The following MAP4K4 variants were observed in gnomAD, a reference collection of about 807,000 sequenced individuals.
MAP4K4 encodes the protein HPK/GCK-like kinase HGK.
In MAP4K4, 38 loss-of-function variants were observed where a neutral mutation model predicts 189.6. The ratio of observed to expected loss-of-function variants is 0.20; its 90% CI spans 0.15 to 0.26. The LOEUF (loss-of-function observed/expected upper bound fraction) is 0.26. Ranked by LOEUF, MAP4K4 falls within the 10% of genes least tolerant of loss-of-function variation. The probability of loss-of-function intolerance (pLI) is 1.00; values close to 1 mark genes in which losing one functional copy is unlikely to be tolerated. For synonymous variants in MAP4K4, 610 were observed against 624.3 expected, an observed-to-expected ratio of 0.98 and a Z score of 0.34; for missense variants, 1,054 against 1,726.9, an observed-to-expected ratio of 0.61 and a Z score of 6.91.
chr2:101,867,541 A>G (rs1262082799), intron 20 of MAP4K4: 1 of 490,726 alleles, frequency 2.0e-6, no homozygotes, highest in African/African-American at 1.9e-5. Flanking sequence ...TGTTCCAGCC[A>G]TACACTTGGT....
At chr2:101,704,741 G>A (rs1002667368) in intron 2 of MAP4K4, among the ~76,000 whole-genome samples, 4 of 151,168 alleles carry the variant, frequency 2.6e-5, no homozygotes, top group African/African-American at 9.8e-5. Context: ...TGTATTTTTA[G>A]TAGAGATGGG....
intron 7 of MAP4K4, among the ~76,000 whole-genome samples, chr2:101,833,316 G>C (rs992781601): frequency 6.6e-6 from 1 of 151,720 alleles, no homozygotes; most frequent in Admixed American, 6.6e-5. Flanking sequence ...CTTTTTTTTG[G>C]ATTTTAAGAA....
At chr2:101,703,404 G>T (rs2040150492) in intron 2 of MAP4K4, among the ~76,000 whole-genome samples, 1 of 151,896 alleles carries the variant, frequency 6.6e-6, no homozygotes, top group South Asian at 2.1e-4. Flanking sequence ...GATCACCTGA[G>T]GTCAGGAGTT....
At chr2:101,870,218 A>G in intron 22 of MAP4K4, 77 bp from the exon 23 acceptor site, 1 of 1,477,718 alleles carries the variant, frequency 6.8e-7, no homozygotes, top group Non-Finnish European at 9.2e-7. Flanking sequence ...TTTGATTTTG[A>G]GAAGGCGAAA....
chr2:101,873,984 T>C, intron 25 of MAP4K4, 98 bp from the exon 26 acceptor site: 1 of 1,070,626 alleles, frequency 9.3e-7, no homozygotes, highest in Middle Eastern at 2.4e-4. Flanking sequence ...AAAGTGTTGG[T>C]TATACCACAT....
intron 2 of MAP4K4, among the ~76,000 whole-genome samples, chr2:101,706,776 A>G (rs1001815669): frequency 6.6e-6 from 1 of 152,180 alleles, no homozygotes; most frequent in Non-Finnish European, 1.5e-5. Flanking sequence ...TTGGTTTACT[A>G]TCTTACTTTC....
At chr2:101,892,999 T>C (rs1268780299) in exon 33 of MAP4K4, 1 of 456,468 alleles carries the variant, frequency 2.2e-6, no homozygotes, top group Admixed American at 2.3e-5. Context: ...CTTGATCTTT[T>C]TCCTTTGTGG....
At chr2:101,866,673 C>T (rs1038056869) in intron 19 of MAP4K4, 94 bp downstream of exon 19, 2 of 1,437,968 alleles carry the variant, frequency 1.4e-6, no homozygotes, top group Non-Finnish European at 1.9e-6. Flanking sequence ...TGCGTGTAGC[C>T]ACACGTCACA....
intron 2 of MAP4K4, among the ~76,000 whole-genome samples, chr2:101,770,405 C>G (rs1215279971): frequency 1.3e-5 from 2 of 152,062 alleles, no homozygotes; most frequent in African/African-American, 4.8e-5. Context: ...CCTGCCACCA[C>G]ACCCGGCTAA....
At chr2:101,839,917 A>G in exon 10 of MAP4K4, 1 of 1,613,956 alleles carries the variant, frequency 6.2e-7, no homozygotes, top group South Asian at 1.1e-5. Flanking sequence ...TTTATAAGGG[A>G]TCAGCCAAAT....
intron 2 of MAP4K4, among the ~76,000 whole-genome samples, chr2:101,735,623 C>T (rs1300031373): frequency 1.3e-5 from 2 of 152,096 alleles, no homozygotes; most frequent in African/African-American, 4.8e-5. Flanking sequence ...CCATGGGAGG[C>T]CGTCTTTGTC....
intron 2 of MAP4K4, among the ~76,000 whole-genome samples, chr2:101,789,996 T>TA (rs894515307): frequency 2.0e-5 from 3 of 151,928 alleles, no homozygotes; most frequent in East Asian, 1.9e-4. Flanking sequence ...TTTATACACT[T>TA]AAAAAAAATC....
chr2:101,724,107 A>G (rs1016278571), intron 2 of MAP4K4, among the ~76,000 whole-genome samples: 4 of 152,184 alleles, frequency 2.6e-5, no homozygotes, highest in South Asian at 2.1e-4. Context: ...TCTGTCTTAC[A>G]TGATACTTAT....
At chr2:101,803,379 G>T (rs58422173) in intron 3 of MAP4K4, among the ~76,000 whole-genome samples, 2,444 of 152,164 alleles carry the variant, frequency 0.016, 76 homozygotes, top group African/African-American at 0.056. Context: ...TAATTGTATA[G>T]TGACATGCCC....
intron 2 of MAP4K4, among the ~76,000 whole-genome samples, chr2:101,749,702 C>G (rs2149932118): frequency 6.7e-6 from 1 of 148,664 alleles, no homozygotes; most frequent in African/African-American, 2.5e-5. Context: ...GCAAAAGAAA[C>G]TACTATCAGA....
rs923679067 is a variant in MAP4K4 at position 101,785,658 on chromosome 2, T to C, written c.124-5062T>C. On this transcript the variant is annotated intron_variant, in intron 2 of 32. Transcript: ENST00000324219. ...TGAGAAGATAGGAACATTGCCATCT[T>C]CTTCTTTCTTTCTTTCTCCCTCTCT... 3.4e-4 allele frequency among the ~76,000 whole-genome samples: 19 copies of C among 56,414 alleles called. 1 individual carries two copies. Among genetic ancestry groups the C allele is most frequent in the African/African-American group, 1.5e-3 (15 of 9,766 alleles). The allele number at this position is 56,414 out of a possible 152,430, so 37.0% of individuals were successfully genotyped here. A position where few individuals can be genotyped will look rare whatever the true frequency, so the allele number is the denominator to read the frequency against.
chr2:101,875,800 T>A (rs1296154111), intron 26 of MAP4K4, among the ~76,000 whole-genome samples: 2 of 152,146 alleles, frequency 1.3e-5, no homozygotes, highest in Non-Finnish European at 2.9e-5. Context: ...ACATGAATGA[T>A]CAAGAGGGAG....
intron 2 of MAP4K4, among the ~76,000 whole-genome samples, chr2:101,729,101 A>AGAGAGAGGGTGTGTGT (rs149283961): frequency 7.7e-6 from 1 of 130,504 alleles, no homozygotes; most frequent in African/African-American, 3.1e-5. Flanking sequence ...AGAGAGAGAG[A>AGAGAGAGGGTGTGTGT]GTGTGTGTGT....
chr2:101,854,514 G>A (rs1239262542), intron 12 of MAP4K4, among the ~76,000 whole-genome samples: 3 of 152,128 alleles, frequency 2.0e-5, no homozygotes, highest in East Asian at 1.9e-4. Context: ...GAGAATAATG[G>A]GGGTGTAGTA....
Sources: allele counts gnomAD v4.1 joint callset (sites outside exome capture counted in the v4.1 genomes callset), GRCh38; gene constraint gnomAD v4.1.1; transcripts MANE v1.5; gene names NCBI Gene and HGNC (gene_info 2026-07-23, HGNC 2026-07-21).